The following GRM1 variants were observed in gnomAD, a reference collection of about 807,000 sequenced individuals.
GRM1 encodes metabotropic glutamate receptor 1.
GRM1 carries 33 observed loss-of-function variants against 90.9 expected under a neutral mutation model. That is an observed-to-expected ratio of 0.36 (90% CI 0.28 to 0.49). The LOEUF is 0.49. Among genes scored for constraint, GRM1 ranks in the 20% least tolerant of loss-of-function variants. GRM1 has a pLI of 0.99. For missense variants in GRM1, 1,190 were observed against 1,534.3 expected (o/e 0.78, Z 3.75); for synonymous variants, 700 against 613.2 (o/e 1.14, Z -2.09).
At chr6:146,323,507 G>A (rs1784282200) in intron 3 of GRM1, among the ~76,000 whole-genome samples, 1 of 152,116 alleles carries the variant, frequency 6.6e-6, no homozygotes, top group South Asian at 2.1e-4. Context: ...TGTCAGATGA[G>A]TAGGTTGCAA....
chr6:146,296,398 A>G (rs954855440), intron 2 of GRM1, among the ~76,000 whole-genome samples: 1 of 152,218 alleles, frequency 6.6e-6, no homozygotes, highest in African/African-American at 2.4e-5. Flanking sequence ...CCGTCACTAC[A>G]CATACTTATC....
At position 146,304,713 on chromosome 6, in the gene GRM1, T is replaced by C. The variant is rs1783514467; in HGVS notation, c.1053T>C (p.Asp351=). The part of the protein sequence containing the change: ...KLQSPEVRSF[D]DYFLKLRLDT... ...AGTCTCCAGAGGTCAGGTCATTTGA[T>C]GATTATTTCCTGAAACTGAGGCTGG... Residue 351 remains aspartate (D), a synonymous_variant, in exon 3 of 8, where the codon GAT becomes GAC. Transcript: ENST00000282753. 1.4e-5 allele frequency: 23 copies of C among 1,613,774 alleles called. No homozygotes were observed. The highest frequency in any genetic ancestry group is 1.8e-5 in the Non-Finnish European group (21 of 1,179,826).
chr6:146,186,347 T>A (rs535808163), intron 2 of GRM1, among the ~76,000 whole-genome samples: 2 of 152,108 alleles, frequency 1.3e-5, no homozygotes, highest in Non-Finnish European at 2.9e-5. Flanking sequence ...GTTCAAAGAC[T>A]ATGAATTTTA....
At chr6:146,100,285 A>G (rs1296754804) in intron 1 of GRM1, among the ~76,000 whole-genome samples, 1 of 152,202 alleles carries the variant, frequency 6.6e-6, no homozygotes. Flanking sequence ...ATAAAGCCAT[A>G]TGATAAGCAG....
Position 146,086,091 on chromosome 6 carries a change from T to C in GRM1, c.700+55874T>C, listed in dbSNP as rs1484971972. Among the ~76,000 whole-genome samples the C allele has an allele frequency of 2.6e-5, 4 of 152,222 alleles. No homozygotes were observed. The East Asian group carries it at 7.7e-4, about 29-fold the overall frequency. On this transcript the variant is annotated intron_variant, in intron 1 of 7. Transcript: ENST00000282753. ...TAGGTGATTTGATAGTGGAATAGTA[T>C]GTATTATTATTAGATTTGAAAGGAG...
At position 146,029,167 on chromosome 6, in the gene GRM1, G is replaced by A. The variant is rs1282588631; in HGVS notation, c.-351G>A. Reference sequence around the variant, plus strand: ...TTAACACAGGTCCTCTGATGACAAGGTTGTGATTTTTCTCTGTCTTTTGTC... The same window carrying A: ...TTAACACAGGTCCTCTGATGACAAGATTGTGATTTTTCTCTGTCTTTTGTC... On this transcript the variant is annotated 5_prime_UTR_variant, in exon 1 of 8. Coordinates refer to ENST00000282753, the MANE Select transcript of GRM1 (RefSeq NM_001278064.2). 2.7e-6 allele frequency: 1 copy of A among 376,812 alleles called. No individual in the cohort carries two copies. The highest frequency in any genetic ancestry group is 5.0e-6 in the Non-Finnish European group (1 of 198,418). The allele number at this position is 376,812 out of a possible 1,614,324, so 23.3% of individuals were successfully genotyped here. A position where few individuals can be genotyped will look rare whatever the true frequency, so the allele number is the denominator to read the frequency against.
chr6:146,349,619 A>T (rs1371738838), intron 3 of GRM1, among the ~76,000 whole-genome samples: 1 of 151,930 alleles, frequency 6.6e-6, no homozygotes, highest in East Asian at 1.9e-4. Context: ...TAATTTTCTT[A>T]GTTGTGTTAA....
chr6:146,280,987 C>T (rs1425862678), intron 2 of GRM1, among the ~76,000 whole-genome samples: 1 of 151,960 alleles, frequency 6.6e-6, no homozygotes, highest in African/African-American at 2.4e-5. Flanking sequence ...CTTTTCTTGC[C>T]TTTGGAAGAC....
At chr6:146,372,980 G>A (rs1015102550) in intron 5 of GRM1, among the ~76,000 whole-genome samples, 2 of 152,038 alleles carry the variant, frequency 1.3e-5, no homozygotes, top group Non-Finnish European at 2.9e-5. Context: ...CTTTAGGATA[G>A]TTTTTTCTAT....
chr6:146,204,162 A>G (rs1423362853), intron 2 of GRM1, among the ~76,000 whole-genome samples: 1 of 152,236 alleles, frequency 6.6e-6, no homozygotes, highest in Non-Finnish European at 1.5e-5. Flanking sequence ...AAGGTGGATT[A>G]GCAGGAACTT....
intron 7 of GRM1, among the ~76,000 whole-genome samples, chr6:146,432,430 C>T (rs1013302900): frequency 6.6e-6 from 1 of 152,114 alleles, no homozygotes; most frequent in Non-Finnish European, 1.5e-5. Context: ...AAATGATGCT[C>T]ACATATAATT....
chr6:146,208,982 A>T (rs1344408982), intron 2 of GRM1, among the ~76,000 whole-genome samples: 1 of 152,124 alleles, frequency 6.6e-6, no homozygotes, highest in Non-Finnish European at 1.5e-5. Context: ...ATACATACTA[A>T]CCTTAACATA....
intron 1 of GRM1, among the ~76,000 whole-genome samples, chr6:146,102,814 A>T (rs1416741632): frequency 6.6e-6 from 1 of 152,240 alleles, no homozygotes; most frequent in African/African-American, 2.4e-5. Context: ...AGGTGTCTAA[A>T]ATTATGGAAG....
At chr6:146,172,832 A>C (rs9497468) in intron 2 of GRM1, among the ~76,000 whole-genome samples, 2,424 of 152,320 alleles carry the variant, frequency 0.016, 53 homozygotes, top group African/African-American at 0.054. Context: ...GGATTTAAAA[A>C]ATTGAAAAAT....
intron 2 of GRM1, among the ~76,000 whole-genome samples, chr6:146,246,172 G>T (rs1422754882): frequency 6.6e-6 from 1 of 152,214 alleles, no homozygotes; most frequent in Non-Finnish European, 1.5e-5. Context: ...ATCACTAGCA[G>T]TTATACTCCA....
intron 7 of GRM1, among the ~76,000 whole-genome samples, chr6:146,412,738 G>A (rs77588014): frequency 0.016 from 2,392 of 152,212 alleles, 82 homozygotes; most frequent in African/African-American, 0.055. Context: ...AGATGAGAGA[G>A]TCAGAATATC....
At position 146,149,841 on chromosome 6, in the gene GRM1, G is replaced by A. The variant is rs188384828; in HGVS notation, c.701-9507G>A. On this transcript the variant is annotated intron_variant, in intron 1 of 7. Coordinates refer to ENST00000282753, the MANE Select transcript of GRM1 (RefSeq NM_001278064.2). Reference sequence around the variant, plus strand: ...TTGTGCCTGCCAAAGCTGGAACAGAGGTGAGGCTGGAAAATTGCTTGTAAG... The same window carrying A: ...TTGTGCCTGCCAAAGCTGGAACAGAAGTGAGGCTGGAAAATTGCTTGTAAG... Among the ~76,000 whole-genome samples, 244 of 152,268 alleles carry A rather than the reference G, an allele frequency of 1.6e-3. 1 individual carries two copies. The highest frequency in any genetic ancestry group is 4.6e-3 in the African/African-American group (192 of 41,568).
At chr6:146,124,913 A>T (rs1232908066) in intron 1 of GRM1, among the ~76,000 whole-genome samples, 1 of 152,184 alleles carries the variant, frequency 6.6e-6, no homozygotes, top group Non-Finnish European at 1.5e-5. Context: ...GAAAATTTTT[A>T]AAATTCCAGT....
At chr6:146,053,772 C>A (rs1775383024) in intron 1 of GRM1, among the ~76,000 whole-genome samples, 2 of 152,136 alleles carry the variant, frequency 1.3e-5, no homozygotes, top group East Asian at 3.9e-4. Flanking sequence ...TTTTTATAAT[C>A]CCCTTCCTCC....
Sources: gnomAD v4.1 joint callset for allele counts (sites outside exome capture counted in the v4.1 genomes callset) on GRCh38, gnomAD v4.1.1 for gene constraint, MANE v1.5 for transcripts, NCBI Gene and HGNC (gene_info 2026-07-23, HGNC 2026-07-21) for gene names.